KAT14: variants seen among roughly 807,000 people sequenced by gnomAD.
KAT14 encodes the protein cysteine-rich protein 2-binding protein.
KAT14 carries 66 observed loss-of-function variants against 78.4 expected under a neutral mutation model. The observed-to-expected ratio is 0.84, with a 90% CI of 0.69 to 1.03. The LOEUF (loss-of-function observed/expected upper bound fraction) is 1.03. Among genes scored for constraint, KAT14 ranks in the 50% least tolerant of loss-of-function variants. KAT14 has a pLI of 0.00. For missense variants in KAT14, 870 were observed against 972.5 expected (o/e 0.89, Z 1.40); for synonymous variants, 344 against 359.4 (o/e 0.96, Z 0.48).
intron 1 of KAT14, chr20:18,138,300 T>C (rs2037378544): frequency 1.7e-6 from 2 of 1,188,214 alleles, no homozygotes; most frequent in South Asian, 3.8e-5. Flanking sequence ...TTAGCGCCTT[T>C]GGAGCTCCGC....
chr20:18,141,039 T>A (rs866928096), intron 1 of KAT14, among the ~76,000 whole-genome samples: 9 of 24,234 alleles, frequency 3.7e-4, no homozygotes, highest in Admixed American at 2.1e-3. Flanking sequence ...TTTTTTTTTT[T>A]TTTTTTTATT....
intron 10 of KAT14, among the ~76,000 whole-genome samples, chr20:18,185,319 C>T (rs1441689152): frequency 1.3e-5 from 2 of 152,236 alleles, no homozygotes; most frequent in East Asian, 1.9e-4. Context: ...GAGTGATTTT[C>T]CCGCCTCAGC....
intron 7 of KAT14, among the ~76,000 whole-genome samples, chr20:18,179,437 T>C (rs779013327): frequency 2.6e-5 from 4 of 152,240 alleles, no homozygotes; most frequent in Non-Finnish European, 5.9e-5. Flanking sequence ...ATACATCTTC[T>C]GAAATCTAGG....
chr20:18,170,901 G>GA (rs1462757374), intron 7 of KAT14, among the ~76,000 whole-genome samples: 2 of 152,190 alleles, frequency 1.3e-5, no homozygotes, highest in African/African-American at 4.8e-5. Flanking sequence ...CAAGAGTTCT[G>GA]ATTGAGAGGT....
chr20:18,167,827 G>A (rs1392013273), intron 7 of KAT14, among the ~76,000 whole-genome samples: 1 of 151,760 alleles, frequency 6.6e-6, no homozygotes, highest in Admixed American at 6.6e-5. Context: ...CTTTTTATAG[G>A]TCCTAACTTA....
intron 9 of KAT14, among the ~76,000 whole-genome samples, chr20:18,183,837 T>C (rs1175548181): frequency 1.3e-5 from 2 of 152,218 alleles, no homozygotes; most frequent in East Asian, 3.8e-4. Flanking sequence ...AGGAACACAT[T>C]TGCATTGCTA....
chr20:18,148,253 G>T (rs2037896547), intron 3 of KAT14, among the ~76,000 whole-genome samples: 1 of 152,136 alleles, frequency 6.6e-6, no homozygotes, highest in Non-Finnish European at 1.5e-5. Context: ...ACAGTAAAGA[G>T]GTCTGATCTC....
At chr20:18,147,535 G>C (rs992245950) in intron 3 of KAT14, among the ~76,000 whole-genome samples, 1 of 152,108 alleles carries the variant, frequency 6.6e-6, no homozygotes, top group Non-Finnish European at 1.5e-5. Context: ...ATTTTGCTCA[G>C]AGTATGTAAT....
chr20:18,139,405 T>G (rs2037435544), intron 1 of KAT14, among the ~76,000 whole-genome samples: 2 of 152,184 alleles, frequency 1.3e-5, no homozygotes, highest in South Asian at 4.1e-4. Flanking sequence ...GATTAGAGCT[T>G]GGCTTTGGAC....
chr20:18,167,034 C>G (rs1380127044), intron 7 of KAT14, among the ~76,000 whole-genome samples: 2 of 152,190 alleles, frequency 1.3e-5, no homozygotes, highest in Admixed American at 6.5e-5. Context: ...GTACTCACAC[C>G]TCAGCCCTCC....
At chr20:18,154,458 A>G (rs1462808180) in intron 4 of KAT14, among the ~76,000 whole-genome samples, 1 of 152,144 alleles carries the variant, frequency 6.6e-6, no homozygotes, top group Non-Finnish European at 1.5e-5. Context: ...TACTGCATTA[A>G]GAACTAAAAT....
intron 2 of KAT14, chr20:18,144,958 A>G: frequency 1.7e-6 from 1 of 595,990 alleles, no homozygotes; most frequent in African/African-American, 1.9e-5. Context: ...GGAGTCAGGA[A>G]TGTGACAATT....
In KAT14 at chr20:18,142,387, A is replaced by G. The variant is rs949905544; in HGVS notation, c.-274A>G. The G allele has an allele frequency of 9.0e-5, 138 of 1,527,080 alleles. No homozygotes were observed. The highest frequency in any genetic ancestry group is 1.1e-4 in the Non-Finnish European group (129 of 1,140,040). 94.6% of individuals were successfully genotyped at this position (1,527,080 alleles called of 1,614,324 possible). A position where few individuals can be genotyped will look rare whatever the true frequency, so the allele number is the denominator to read the frequency against. ...AATGTGAAATATCTGTTGGACAGAC[A>G]ACACGAGTTTGTGTGTGTGTGTTGA... On this transcript the variant is annotated 5_prime_UTR_variant, in exon 2 of 11. Transcript: ENST00000688188.
At chr20:18,153,792 C>G (rs1206695287) in intron 4 of KAT14, among the ~76,000 whole-genome samples, 1 of 152,136 alleles carries the variant, frequency 6.6e-6, no homozygotes, top group Non-Finnish European at 1.5e-5. Flanking sequence ...CTGAAAAATA[C>G]ATTAATTTTA....
intron 8 of KAT14, among the ~76,000 whole-genome samples, chr20:18,182,508 A>G (rs1048614222): frequency 6.6e-6 from 1 of 152,242 alleles, no homozygotes; most frequent in Non-Finnish European, 1.5e-5. Flanking sequence ...TTGAGCCTCC[A>G]TCTGGACTGG....
At chr20:18,172,025 A>G (rs6081019) in intron 7 of KAT14, among the ~76,000 whole-genome samples, 20,629 of 152,226 alleles carry the variant, frequency 0.14, 1,990 homozygotes, top group African/African-American at 0.27. Context: ...TTTTAACAAT[A>G]AAGTGTTTAA....
At chr20:18,168,754 G>C (rs1165874590) in intron 7 of KAT14, among the ~76,000 whole-genome samples, 1 of 151,902 alleles carries the variant, frequency 6.6e-6, no homozygotes, top group Non-Finnish European at 1.5e-5. Context: ...TGTCTTACTT[G>C]ACAACTCTGT....
intron 3 of KAT14, among the ~76,000 whole-genome samples, chr20:18,145,633 T>C (rs2037798034): frequency 6.6e-6 from 1 of 152,028 alleles, no homozygotes; most frequent in South Asian, 2.1e-4. Flanking sequence ...ATACAAAAAT[T>C]AGCTGGCTAT....
At position 18,162,724 on chromosome 20, in the gene KAT14, A is replaced by T; in HGVS notation, c.1447A>T (p.Met483Leu). Reference sequence around the variant, plus strand: ...GGAAGCTTGTCCCGGTGCTGTTGCCATGACTCCGGAAGCTCGGAGACTGAA... The same window carrying T: ...GGAAGCTTGTCCCGGTGCTGTTGCCTTGACTCCGGAAGCTCGGAGACTGAA... Reference protein sequence around the residue: ...RLEACPGAVAMTPEARRLKRK... With the variant: ...RLEACPGAVALTPEARRLKRK... Residue 483 changes from methionine (M) to leucine (L), a missense_variant, in exon 7 of 11, where the codon ATG (methionine) becomes TTG (leucine). By Grantham distance (15) the Met-to-Leu change is conservative. Transcript: ENST00000688188. 1 of 1,614,242 alleles carries T rather than the reference A, an allele frequency of 6.2e-7. No individual in the cohort carries two copies. The highest frequency in any genetic ancestry group is 8.5e-7 in the Non-Finnish European group (1 of 1,180,032).
Sources: gnomAD v4.1 joint callset for allele counts (sites outside exome capture counted in the v4.1 genomes callset) on GRCh38, gnomAD v4.1.1 for gene constraint, MANE v1.5 for transcripts, NCBI Gene and HGNC (gene_info 2026-07-23, HGNC 2026-07-21) for gene names.